Variants in ELMO1 observed in about 807,000 individuals in gnomAD.
ELMO1 encodes engulfment and cell motility 1, also known as engulfment and cell motility protein 1.
Under a neutral mutation model 98.9 loss-of-function variants are expected in ELMO1, and 26 were observed. The observed-to-expected ratio is 0.26, with a 90% confidence interval of 0.19 to 0.36. The LOEUF is 0.36. ELMO1 is among the 10% of genes least tolerant of loss of function. ELMO1 has a pLI of 1.00. For missense variants in ELMO1, 627 were observed against 935.2 expected, an observed-to-expected ratio of 0.67 and a Z score of 4.30; for synonymous variants, 346 against 346.0, an observed-to-expected ratio of 1.00 and a Z score of 0.00.
Position 37,092,366 on chromosome 7 carries a change from C to CTTTTTTTTTTTTTT in ELMO1, c.1300+4239_1300+4252dup. On this transcript the variant is annotated intron_variant, in intron 15 of 21. Coordinates refer to ENST00000310758, the MANE Select transcript of ELMO1 (RefSeq NM_014800.11). ...ACTTGCAAAAAAAATTACCCATATT[C>CTTTTTTTTTTTTTT]TTTTTTTTTTTTTTTTTTTTTTTTT... 1.1e-3 allele frequency among the ~76,000 whole-genome samples: 77 copies of CTTTTTTTTTTTTTT among 68,912 alleles called. 6 individuals carry two copies. Among genetic ancestry groups the CTTTTTTTTTTTTTT allele is most frequent in the African/African-American group, 1.3e-3 (29 of 21,968 alleles). The allele number at this position is 68,912 out of a possible 152,430, so 45.2% of individuals were successfully genotyped here.
intron 1 of ELMO1, among the ~76,000 whole-genome samples, chr7:37,416,202 A>T (rs1337341710): frequency 6.6e-6 from 1 of 152,230 alleles, no homozygotes; most frequent in African/African-American, 2.4e-5. Flanking sequence ...TATGCCACCA[A>T]AACTGCCCAC....
intron 13 of ELMO1, among the ~76,000 whole-genome samples, chr7:37,166,916 C>T (rs1363958369): frequency 6.6e-6 from 1 of 152,030 alleles, no homozygotes; most frequent in Non-Finnish European, 1.5e-5. Flanking sequence ...TCTCGTCGAT[C>T]TGTCTAATGT....
intron 1 of ELMO1, among the ~76,000 whole-genome samples, chr7:37,413,578 C>A (rs947663335): frequency 1.3e-5 from 2 of 152,206 alleles, no homozygotes; most frequent in Admixed American, 6.5e-5. Flanking sequence ...CAAAAATGAG[C>A]ATCCAGGTAA....
At chr7:37,124,797 T>C (rs1030353233) in intron 14 of ELMO1, among the ~76,000 whole-genome samples, 36 of 151,990 alleles carry the variant, frequency 2.4e-4, no homozygotes, top group African/African-American at 8.5e-4. Context: ...TTAAAGTTCA[T>C]ATGGAACCAA....
chr7:37,417,501 A>T (rs1408913437), intron 1 of ELMO1, among the ~76,000 whole-genome samples: 1 of 152,192 alleles, frequency 6.6e-6, no homozygotes, highest in Non-Finnish European at 1.5e-5. Context: ...TCTACTAAAA[A>T]TACAAAAACA....
chr7:37,100,036 G>A (rs1378691523), intron 14 of ELMO1, among the ~76,000 whole-genome samples: 1 of 152,114 alleles, frequency 6.6e-6, no homozygotes, highest in East Asian at 1.9e-4. Flanking sequence ...GTTTCACCAT[G>A]TTGGCCGAGC....
chr7:37,079,016 T>C (rs1178254181), intron 15 of ELMO1, among the ~76,000 whole-genome samples: 1 of 152,180 alleles, frequency 6.6e-6, no homozygotes, highest in East Asian at 1.9e-4. Context: ...TGAGCATATA[T>C]TACCTGTGAA....
intron 15 of ELMO1, 72 bp from the exon 16 acceptor site, chr7:37,013,507 T>G (rs1793707772): frequency 1.3e-6 from 2 of 1,559,300 alleles, no homozygotes; most frequent in African/African-American, 2.7e-5. Context: ...ACCACAGGTA[T>G]GTGCCCCAAA....
At chr7:37,401,386 A>C (rs1347149378) in intron 1 of ELMO1, among the ~76,000 whole-genome samples, 3 of 152,180 alleles carry the variant, frequency 2.0e-5, no homozygotes, top group Non-Finnish European at 4.4e-5. Flanking sequence ...TTTTCTCCTA[A>C]AGCAGATCAT....
intron 16 of ELMO1, among the ~76,000 whole-genome samples, chr7:36,906,383 A>G (rs1783961567): frequency 6.6e-6 from 1 of 152,198 alleles, no homozygotes; most frequent in Non-Finnish European, 1.5e-5. Context: ...TGAAAACACC[A>G]TTTTAGTTTT....
intron 1 of ELMO1, chr7:37,393,987 C>A (rs1803187012): frequency 6.6e-6 from 1 of 152,174 alleles, no homozygotes; most frequent in Admixed American, 6.5e-5. Context: ...TACTTTAAGT[C>A]CTACTCACAC....
intron 1 of ELMO1, among the ~76,000 whole-genome samples, chr7:37,397,754 T>A (rs1024497416): frequency 6.6e-6 from 1 of 152,178 alleles, no homozygotes; most frequent in African/African-American, 2.4e-5. Context: ...CCAACCCAAA[T>A]GCCCATCAAC....
intron 1 of ELMO1, among the ~76,000 whole-genome samples, chr7:37,378,699 C>T (rs1009050639): frequency 6.6e-6 from 1 of 152,150 alleles, no homozygotes; most frequent in Non-Finnish European, 1.5e-5. Flanking sequence ...TCAACATTTC[C>T]CCTTTCAGAA....
At chr7:37,328,701 T>C (rs542998867) in intron 2 of ELMO1, among the ~76,000 whole-genome samples, 14 of 152,248 alleles carry the variant, frequency 9.2e-5, no homozygotes, top group Non-Finnish European at 1.6e-4. Flanking sequence ...GCATAAATTA[T>C]AAAATCCTAA....
At chr7:36,869,139 G>T (rs1234213621) in intron 20 of ELMO1, among the ~76,000 whole-genome samples, 1 of 152,202 alleles carries the variant, frequency 6.6e-6, no homozygotes, top group Non-Finnish European at 1.5e-5. Context: ...ACCCCCGTTG[G>T]TGCTGTGTAA....
chr7:37,239,820 T>C (rs1241662544), intron 7 of ELMO1, among the ~76,000 whole-genome samples: 2 of 152,206 alleles, frequency 1.3e-5, no homozygotes, highest in African/African-American at 2.4e-5. Flanking sequence ...ATCCCCACCA[T>C]GTTCAATAAC....
At chr7:37,126,716 T>G (rs1027053358) in intron 14 of ELMO1, among the ~76,000 whole-genome samples, 1 of 152,186 alleles carries the variant, frequency 6.6e-6, no homozygotes, top group Non-Finnish European at 1.5e-5. Flanking sequence ...CCATGTCAGG[T>G]ATTTCAGAAT....
intron 16 of ELMO1, among the ~76,000 whole-genome samples, chr7:37,005,127 A>AAG (rs1792974484): frequency 6.6e-6 from 1 of 150,492 alleles, no homozygotes; most frequent in South Asian, 2.1e-4. Flanking sequence ...AAAAAAAAAA[A>AAG]AAAAAGAAAA....
intron 16 of ELMO1, among the ~76,000 whole-genome samples, chr7:36,954,337 C>T (rs143353524): frequency 6.6e-6 from 1 of 152,270 alleles, no homozygotes; most frequent in African/African-American, 2.4e-5. Context: ...GGTCACCTTC[C>T]AGTGCATCAC....
Sources: gnomAD v4.1 joint callset for allele counts (sites outside exome capture counted in the v4.1 genomes callset) on GRCh38, gnomAD v4.1.1 for gene constraint, MANE v1.5 for transcripts, NCBI Gene and HGNC (gene_info 2026-07-23, HGNC 2026-07-21) for gene names.